Variants in PCDH1 observed in about 807,000 individuals in gnomAD.
PCDH1 encodes protocadherin-1.
A neutral mutation model predicts 74.6 loss-of-function variants in PCDH1; 23 were observed. The observed-to-expected ratio is 0.31, with a 90% CI of 0.22 to 0.44. The LOEUF is 0.44. Among genes scored for constraint, PCDH1 ranks in the 20% least tolerant of loss-of-function variants. The pLI, the probability that PCDH1 is intolerant of heterozygous loss-of-function variation, is 1.00. For missense variants in PCDH1, 1,214 were observed against 1,641.4 expected (o/e 0.74, Z 4.50); for synonymous variants, 647 against 686.1 (o/e 0.94, Z 0.89).
chr5:141,860,962 A>C (rs1752540586), intron 3 of PCDH1, among the ~76,000 whole-genome samples: 1 of 152,020 alleles, frequency 6.6e-6, no homozygotes, highest in Non-Finnish European at 1.5e-5. Context: ...CTAAAAATAC[A>C]AAATTAGCTG....
chr5:141,861,419 A>C (rs1330911087), intron 3 of PCDH1, among the ~76,000 whole-genome samples: 1 of 152,180 alleles, frequency 6.6e-6, no homozygotes, highest in Non-Finnish European at 1.5e-5. Flanking sequence ...GTTAGGTTGG[A>C]TTAGAGCTGA....
intron 1 of PCDH1, among the ~76,000 whole-genome samples, chr5:141,876,674 C>T (rs1753244323): frequency 6.6e-6 from 1 of 152,226 alleles, no homozygotes; most frequent in South Asian, 2.1e-4. Flanking sequence ...CCTATGCCTG[C>T]CGCGATCTCC....
rs757313658 is a variant in PCDH1 at position 141,857,491 on chromosome 5, C to G, written c.3100-20G>C. 1 of 1,604,972 alleles carries G rather than the reference C, an allele frequency of 6.2e-7. No homozygotes were observed. The highest frequency in any genetic ancestry group is 2.2e-5 in the East Asian group (1 of 44,644). On this transcript the variant is annotated intron_variant, in intron 3 of 4. Coordinates refer to ENST00000287008, the MANE Select transcript of PCDH1 (RefSeq NM_032420.5). ...AGGTAACTGCAGGGAGACAGATTGT[C>G]ACTACTGACCAGCCAGCTTGCCCAC... is the stretch of plus-strand genomic sequence containing the variant.
intron 1 of PCDH1, among the ~76,000 whole-genome samples, chr5:141,873,970 A>T (rs1029881849): frequency 6.6e-6 from 1 of 152,254 alleles, no homozygotes; most frequent in African/African-American, 2.4e-5. Flanking sequence ...CTTAAGTCAC[A>T]GAAGTAGTAT....
rs758274019 is a variant in PCDH1, at chr5:141,864,678, A to G, written c.1653T>C (p.Ala551=). Residue 551 remains alanine (A), a synonymous_variant, in exon 3 of 5, where the codon GCT becomes GCC. Coordinates refer to ENST00000287008, the MANE Select transcript of PCDH1 (RefSeq NM_032420.5). This position sits in a 1 kb window ranked among gnomAD's most constrained non-coding sequence, Gnocchi z 5.9. ...LVYSLEPEPA[A]KGLFTISPET... is the part of the protein sequence containing the mutation. ...CGGGTGAGATGGTGAAGAGGCCCTT[A>G]GCAGCCGGCTCAGGCTCCAGAGAGT... The G allele has an allele frequency of 1.4e-5, 22 of 1,614,114 alleles. No individual in the cohort carries two copies. The South Asian group carries it at 2.4e-4, about 18-fold the overall frequency.
At chr5:141,875,110 A>C (rs1753187679) in intron 1 of PCDH1, among the ~76,000 whole-genome samples, 1 of 152,210 alleles carries the variant, frequency 6.6e-6, no homozygotes, top group South Asian at 2.1e-4. Context: ...GCCTCTTGAA[A>C]TTATTTGGGA....
chr5:141,866,867 T>C (rs1752863670), intron 2 of PCDH1, among the ~76,000 whole-genome samples: 1 of 152,132 alleles, frequency 6.6e-6, no homozygotes, highest in Non-Finnish European at 1.5e-5. Flanking sequence ...GAAAAATCAG[T>C]GCTAATGCAG....
chr5:141,870,210 T>C (rs766879385), intron 1 of PCDH1, among the ~76,000 whole-genome samples: 8 of 152,120 alleles, frequency 5.3e-5, no homozygotes, highest in Non-Finnish European at 1.0e-4. Context: ...CTTCCCGACT[T>C]TCCCCCAACA....
In PCDH1 at chr5:141,854,040, G is replaced by T. The variant is rs765425424; in HGVS notation, c.*2C>A. ...AGGGGGGCCGGCCGGCCAGTAGGGG[G>T]CTCACAGGTAGATCTCGCGCTTGGC... On this transcript the variant is annotated 3_prime_UTR_variant, in exon 5 of 5. Transcript: ENST00000287008. 40 of 1,504,362 alleles carry T rather than the reference G, an allele frequency of 2.7e-5. No individual in the cohort carries two copies. The highest frequency in any genetic ancestry group is 2.4e-4 in the Middle Eastern group (1 of 4,150). 93.2% of individuals were successfully genotyped at this position (1,504,362 alleles called of 1,614,324 possible).
intron 3 of PCDH1, among the ~76,000 whole-genome samples, chr5:141,860,884 G>C (rs1203018530): frequency 6.6e-6 from 1 of 152,112 alleles, no homozygotes; most frequent in African/African-American, 2.4e-5. Context: ...GGGAGGCCAC[G>C]GCGGGCAGAT....
Position 141,863,183 on chromosome 5 carries a change from A to C in PCDH1, c.3099+49T>G. The C allele has an allele frequency of 7.9e-7, 1 of 1,259,896 alleles. No individual in the cohort carries two copies. 78.0% of individuals were successfully genotyped at this position (1,259,896 alleles called of 1,614,324 possible). On this transcript the variant is annotated intron_variant, in intron 3 of 4. Coordinates refer to ENST00000287008, the MANE Select transcript of PCDH1 (RefSeq NM_032420.5). This position sits in a 1 kb window ranked among gnomAD's most constrained non-coding sequence, Gnocchi z 7.5. The stretch of plus-strand genomic sequence containing the variant: ...ACCTCGGTCCAGATGGCTCCGTGGT[A>C]GGGGTGGGGTAGGGGCTGGGGTGTG...
Position 141,869,846 on chromosome 5 carries a change from G to C in PCDH1, c.41-415C>G. On this transcript the variant is annotated intron_variant, in intron 1 of 4. Coordinates refer to ENST00000287008, the MANE Select transcript of PCDH1 (RefSeq NM_032420.5). This position sits in a 1 kb window ranked among gnomAD's most constrained non-coding sequence, Gnocchi z 4.9. ...CCGATGGTAATTACCTTGATACTGA[G>C]ATAGGGAGAGAGAGCCAGTGGAAGG... 1.0e-6 allele frequency: 1 copy of C among 972,356 alleles called. No homozygotes were observed. The highest frequency in any genetic ancestry group is 1.2e-6 in the Non-Finnish European group (1 of 818,012). 60.2% of individuals were successfully genotyped at this position (972,356 alleles called of 1,614,324 possible). A position where few individuals can be genotyped will look rare whatever the true frequency, so the allele number is the denominator to read the frequency against.
chr5:141,862,085 T>A (rs1453753472), intron 3 of PCDH1, among the ~76,000 whole-genome samples: 2 of 151,900 alleles, frequency 1.3e-5, no homozygotes, highest in East Asian at 3.9e-4. Context: ...GTGATCATGG[T>A]GGGGAGACAC....
intron 3 of PCDH1, among the ~76,000 whole-genome samples, chr5:141,857,953 A>G (rs1301356639): frequency 6.6e-6 from 1 of 152,196 alleles, no homozygotes; most frequent in Non-Finnish European, 1.5e-5. Flanking sequence ...CAGTTTCTAG[A>G]ACAGCTTCCT....
In PCDH1 at chr5:141,878,316, C is replaced by T. The variant is rs1753295164; in HGVS notation, c.-54G>A. ...CGGCTCCGCACGGCTGGGGCTGGAG[C>T]TGCAGTTCGGGCTCCGGCTCCGGCT... On this transcript the variant is annotated 5_prime_UTR_variant, in exon 1 of 5. Coordinates refer to ENST00000287008, the MANE Select transcript of PCDH1 (RefSeq NM_032420.5). This position sits in a 1 kb window ranked among gnomAD's most constrained non-coding sequence, Gnocchi z 5.5. The T allele has an allele frequency of 1.7e-6, 2 of 1,190,824 alleles. No homozygotes were observed. The highest frequency in any genetic ancestry group is 7.7e-5 in the South Asian group (2 of 26,124). 73.8% of individuals were successfully genotyped at this position (1,190,824 alleles called of 1,614,324 possible). A position where few individuals can be genotyped will look rare whatever the true frequency, so the allele number is the denominator to read the frequency against.
rs111511047 is a variant in PCDH1, at chr5:141,859,498, T to C, written c.3100-2027A>G. ...CACTTGCTGATTATTTCCAGTTGGC[T>C]CTGCCTACTGGCCCTTAAGATTCAA... On this transcript the variant is annotated intron_variant, in intron 3 of 4. Coordinates refer to ENST00000287008, the MANE Select transcript of PCDH1 (RefSeq NM_032420.5). Among the ~76,000 whole-genome samples the C allele has an allele frequency of 6.6e-3, 1,008 of 152,320 alleles. 14 individuals carry two copies. Among genetic ancestry groups the C allele is most frequent in the African/African-American group, 0.023 (948 of 41,552 alleles).
chr5:141,862,689 A>G, intron 3 of PCDH1: 2 of 989,730 alleles, frequency 2.0e-6, no homozygotes, highest in Non-Finnish European at 2.4e-6. Context: ...GGTCAAGGGC[A>G]TGTGGGACCC....
chr5:141,872,730 A>G (rs1290030176), intron 1 of PCDH1, among the ~76,000 whole-genome samples: 1 of 152,158 alleles, frequency 6.6e-6, no homozygotes, highest in African/African-American at 2.4e-5. Flanking sequence ...CACCCTGAGG[A>G]GTTGTCTTAC....
At chr5:141,875,516 C>T (rs1753201662) in intron 1 of PCDH1, among the ~76,000 whole-genome samples, 2 of 152,090 alleles carry the variant, frequency 1.3e-5, no homozygotes, top group African/African-American at 4.8e-5. Context: ...CCTCCCCCAC[C>T]CTCGCGGCCC....
Sources: gnomAD v4.1 joint callset for allele counts (sites outside exome capture counted in the v4.1 genomes callset) on GRCh38, gnomAD v4.1.1 for gene constraint, Gnocchi (gnomAD v3.1) non-coding constraint, MANE v1.5 for transcripts, NCBI Gene and HGNC (gene_info 2026-07-23, HGNC 2026-07-21) for gene names.